The following CDH18 variants were observed in gnomAD, a reference collection of about 807,000 sequenced individuals.
CDH18 encodes cadherin 18, also known as cadherin-18.
A neutral mutation model predicts 67.9 loss-of-function variants in CDH18; 31 were observed. The observed-to-expected ratio is 0.46, with a 90% confidence interval of 0.34 to 0.62. CDH18 has a LOEUF of 0.62. Among genes scored for constraint, CDH18 ranks in the 20% least tolerant of loss-of-function variants. The pLI is 0.01. For missense variants in CDH18, 890 were observed against 975.5 expected (o/e 0.91, Z 1.17); for synonymous variants, 362 against 347.2 (o/e 1.04, Z -0.48).
At chr5:20,158,328 T>C (rs1340142896) in intron 2 of CDH18, among the ~76,000 whole-genome samples, 1 of 152,070 alleles carries the variant, frequency 6.6e-6, no homozygotes, top group South Asian at 2.1e-4. Flanking sequence ...AAAAAGTAAT[T>C]TTTTTCACAA....
chr5:20,248,053 T>C (rs1013657614), intron 2 of CDH18, among the ~76,000 whole-genome samples: 1 of 152,216 alleles, frequency 6.6e-6, no homozygotes, highest in Admixed American at 6.5e-5. Flanking sequence ...ATTATTTGTT[T>C]ATAAACACAC....
chr5:20,157,728 T>C (rs1244317044), intron 2 of CDH18, among the ~76,000 whole-genome samples: 3 of 151,772 alleles, frequency 2.0e-5, no homozygotes, highest in East Asian at 3.9e-4. Context: ...CTGCAGTCTC[T>C]GCCTCCTGGA....
intron 1 of CDH18, among the ~76,000 whole-genome samples, chr5:20,280,889 T>C (rs1481838548): frequency 6.6e-6 from 1 of 152,240 alleles, no homozygotes; most frequent in Non-Finnish European, 1.5e-5. Flanking sequence ...GACTTTTAAA[T>C]GATCGCCATT....
intron 2 of CDH18, among the ~76,000 whole-genome samples, chr5:20,090,048 G>A (rs1488472945): frequency 6.6e-6 from 1 of 151,994 alleles, no homozygotes. Flanking sequence ...TAGCCCTTGG[G>A]TAGTTTAAGA....
chr5:20,063,505 A>G (rs1425866952), intron 2 of CDH18, among the ~76,000 whole-genome samples: 1 of 152,108 alleles, frequency 6.6e-6, no homozygotes, highest in Non-Finnish European at 1.5e-5. Flanking sequence ...CCTGGTCCAC[A>G]CAGTAGAAAA....
chr5:19,827,755 T>G (rs749120655), intron 3 of CDH18, among the ~76,000 whole-genome samples: 1 of 151,982 alleles, frequency 6.6e-6, no homozygotes, highest in East Asian at 1.9e-4. Flanking sequence ...AAGAGAGAAG[T>G]TTACAGTACT....
intron 8 of CDH18, among the ~76,000 whole-genome samples, chr5:19,549,902 G>A (rs772808640): frequency 6.6e-6 from 1 of 152,014 alleles, no homozygotes; most frequent in Non-Finnish European, 1.5e-5. Context: ...AAAATTCCAA[G>A]GCATAAAAGC....
chr5:20,525,311 G>A (rs1243011436), intron 1 of CDH18, among the ~76,000 whole-genome samples: 1 of 152,092 alleles, frequency 6.6e-6, no homozygotes, highest in African/African-American at 2.4e-5. Flanking sequence ...CAGTGCCAGA[G>A]CTCCAGGGTT....
At chr5:19,870,941 T>C (rs1786198848) in intron 2 of CDH18, among the ~76,000 whole-genome samples, 1 of 152,130 alleles carries the variant, frequency 6.6e-6, no homozygotes, top group African/African-American at 2.4e-5. Context: ...AGATTTTCCA[T>C]TTATTATTAT....
intron 2 of CDH18, among the ~76,000 whole-genome samples, chr5:20,211,476 C>T (rs1456088008): frequency 6.6e-6 from 1 of 152,180 alleles, no homozygotes; most frequent in African/African-American, 2.4e-5. Flanking sequence ...AGTAGCCTAA[C>T]TGGGAGACAC....
At chr5:19,945,239 AC>A (rs1305220829) in intron 2 of CDH18, among the ~76,000 whole-genome samples, 1 of 152,130 alleles carries the variant, frequency 6.6e-6, no homozygotes, top group East Asian at 1.9e-4. Context: ...AGCTCAGGAA[AC>A]CTATAGGCAA....
intron 1 of CDH18, among the ~76,000 whole-genome samples, chr5:20,527,106 A>G (rs1756116837): frequency 6.6e-6 from 1 of 152,168 alleles, no homozygotes; most frequent in Non-Finnish European, 1.5e-5. Flanking sequence ...TGAGAACTTT[A>G]TGATGAAAAC....
intron 2 of CDH18, among the ~76,000 whole-genome samples, chr5:19,907,884 C>T (rs550986886): frequency 1.9e-4 from 29 of 152,132 alleles, no homozygotes; most frequent in Non-Finnish European, 3.4e-4. Context: ...TATTTAGCAG[C>T]AATATTTCCA....
chr5:20,225,388 C>T (rs1580522011), intron 2 of CDH18, among the ~76,000 whole-genome samples: 1 of 152,014 alleles, frequency 6.6e-6, no homozygotes, highest in Non-Finnish European at 1.5e-5. Flanking sequence ...TAGATAAATG[C>T]ATAAAGGATC....
At chr5:20,016,565 A>T (rs1737900265) in intron 2 of CDH18, among the ~76,000 whole-genome samples, 1 of 152,156 alleles carries the variant, frequency 6.6e-6, no homozygotes, top group South Asian at 2.1e-4. Flanking sequence ...TTCTCTGAAA[A>T]ATTTCAATTA....
intron 5 of CDH18, among the ~76,000 whole-genome samples, chr5:19,680,386 T>TA (rs1368854549): frequency 6.6e-6 from 1 of 151,960 alleles, no homozygotes; most frequent in East Asian, 1.9e-4. Context: ...TCATGATTAA[T>TA]ATGCCAAAAT....
At chr5:19,692,246 G>A (rs1372482478) in intron 5 of CDH18, among the ~76,000 whole-genome samples, 1 of 152,032 alleles carries the variant, frequency 6.6e-6, no homozygotes, top group Non-Finnish European at 1.5e-5. Context: ...ATGTACTAAA[G>A]ACTTACACTT....
intron 4 of CDH18, among the ~76,000 whole-genome samples, chr5:19,722,395 A>C (rs1033522383): frequency 3.3e-5 from 5 of 151,668 alleles, no homozygotes; most frequent in African/African-American, 1.2e-4. Context: ...TTAGTGTCTT[A>C]TACACAGTGC....
intron 2 of CDH18, among the ~76,000 whole-genome samples, chr5:20,022,755 C>T (rs758203641): frequency 6.6e-6 from 1 of 152,052 alleles, no homozygotes; most frequent in Non-Finnish European, 1.5e-5. Context: ...CATATTATTT[C>T]TAGTCTATTA....
Sources: allele counts gnomAD v4.1 joint callset (sites outside exome capture counted in the v4.1 genomes callset), GRCh38; gene constraint gnomAD v4.1.1; transcripts MANE v1.5; gene names NCBI Gene and HGNC (gene_info 2026-07-23, HGNC 2026-07-21).